Variants in SRPRA observed in about 807,000 individuals in gnomAD.
The protein encoded by SRPRA is SRP receptor subunit alpha.
A neutral mutation model predicts 61.1 loss-of-function variants in SRPRA; 30 were observed. The ratio of observed to expected loss-of-function variants is 0.49; its 90% CI spans 0.37 to 0.67. The LOEUF is 0.67. Ranked by LOEUF, SRPRA falls within the 30% of genes least tolerant of loss-of-function variation. The pLI, the probability that SRPRA is intolerant of heterozygous loss-of-function variation, is 0.00. For missense variants in SRPRA, 759 were observed against 828.4 expected (o/e 0.92, Z 1.03); for synonymous variants, 324 against 299.7 (o/e 1.08, Z -0.84).
chr11:126,261,639 T>G (rs972462729), downstream of SRPRA, among the ~76,000 whole-genome samples: 1 of 152,196 alleles, frequency 6.6e-6, no homozygotes, highest in African/African-American at 2.4e-5. Flanking sequence ...CCATTAAGGA[T>G]TCTATCTTTT....
rs746483409 is a variant in SRPRA at position 126,267,575 on chromosome 11, G to T, written c.339C>A (p.Phe113Leu). ...ALSLLNGTFD[F>L]QNDFLRLLRE... ...GAAGGAGCCGCAGGAAGTCATTTTGGAAATCAAAAGTGCCATTTAATAAAC... is the reference window on the plus strand; with the variant it reads ...GAAGGAGCCGCAGGAAGTCATTTTGTAAATCAAAAGTGCCATTTAATAAAC... The change falls in exon 3 of 14, where the codon TTC becomes TTA. Residue 113 changes from phenylalanine to leucine, a missense_variant. Physicochemically the swap from Phe to Leu is conservative, Grantham distance 22. This residue lies in a region of SRPRA where 475 missense variants were observed against 462.5 expected (regional missense o/e 1.03). Coordinates refer to ENST00000332118, the MANE Select transcript of SRPRA (RefSeq NM_003139.4). This position sits in a 1 kb window ranked among gnomAD's most constrained non-coding sequence, Gnocchi z 4.2. 138 of 1,613,908 alleles carry T rather than the reference G, an allele frequency of 8.6e-5. 4 individuals carry two copies. In the South Asian group the frequency reaches 1.2e-3, roughly 13 times the overall value.
rs1286765449 is a variant in SRPRA at position 126,265,951 on chromosome 11, C to T, written c.1051+12G>A. 1 of 1,613,852 alleles carries T rather than the reference C, an allele frequency of 6.2e-7. No homozygotes were observed. Among genetic ancestry groups the T allele is most frequent in the Non-Finnish European group, 8.5e-7 (1 of 1,179,752 alleles). On this transcript the variant is annotated intron_variant, in intron 8 of 13. Coordinates refer to ENST00000332118, the MANE Select transcript of SRPRA (RefSeq NM_003139.4). This position sits in a 1 kb window ranked among gnomAD's most constrained non-coding sequence, Gnocchi z 6.3. ...CCCGCGAGTATGAGTCAGCCCGGTC[C>T]TCAGAACTTACCAATGAGATGATCA... is the stretch of plus-strand genomic sequence containing the variant.
the SRPRA span, among the ~76,000 whole-genome samples, chr11:126,253,490 C>T: frequency 6.6e-6 from 1 of 152,274 alleles, no homozygotes; most frequent in South Asian, 2.1e-4. This position sits in a 1 kb window ranked among gnomAD's most constrained non-coding sequence, Gnocchi z 5.1. Flanking sequence ...CTTTTAGGTT[C>T]CTCAGAGGTG....
the SRPRA span, chr11:126,256,915 TTGTGA>T: frequency 5.6e-4 from 837 of 1,504,104 alleles, 4 homozygotes; most frequent in African/African-American, 0.011. The surrounding 1 kb of genome is among the most constrained non-coding windows in gnomAD (Gnocchi z 6.6). Flanking sequence ...TTTTGTGTAT[TTGTGA>T]TGTGATGGGC....
Position 126,266,530 on chromosome 11 carries a change from A to G in SRPRA, c.786T>C (p.Ser262=). Residue 262 remains serine (S), a synonymous_variant, in exon 6 of 14, where the codon AGT becomes AGC. Transcript: ENST00000332118. ...GCANKEVLDY[S]TPTTNGTPEA... is the part of the protein sequence containing the mutation. Reference sequence around the variant, plus strand: ...CAGGGGTTCCATTGGTGGTGGGAGTACTGTAATCCAACACTTCTTTGTTAG... The same window carrying G: ...CAGGGGTTCCATTGGTGGTGGGAGTGCTGTAATCCAACACTTCTTTGTTAG... 1 of 1,614,172 alleles carries G rather than the reference A, an allele frequency of 6.2e-7. No individual in the cohort carries two copies.
rs369199415 is a variant in SRPRA, at chr11:126,265,955, G to C, written c.1051+8C>G. 6.2e-7 allele frequency: 1 copy of C among 1,613,904 alleles called. No homozygotes were observed. Reference sequence around the variant, plus strand: ...CGAGTATGAGTCAGCCCGGTCCTCAGAACTTACCAATGAGATGATCACGCA... The same window carrying C: ...CGAGTATGAGTCAGCCCGGTCCTCACAACTTACCAATGAGATGATCACGCA... On this transcript the variant is annotated splice_region_variant and intron_variant, in intron 8 of 13. Coordinates refer to ENST00000332118, the MANE Select transcript of SRPRA (RefSeq NM_003139.4). This position sits in a 1 kb window ranked among gnomAD's most constrained non-coding sequence, Gnocchi z 6.3.
chr11:126,254,418 G>C, the SRPRA span: 2 of 1,614,188 alleles, frequency 1.2e-6, no homozygotes, highest in Non-Finnish European at 1.7e-6. Context: ...ACGTGCTCAG[G>C]AACACTGAAG....
the SRPRA span, among the ~76,000 whole-genome samples, chr11:126,241,653 G>A: frequency 6.6e-6 from 1 of 151,854 alleles, no homozygotes; most frequent in Non-Finnish European, 1.5e-5. Flanking sequence ...GGGTTCAAGC[G>A]ATTCTCCTGT....
In SRPRA at chr11:126,265,252, G is replaced by A; in HGVS notation, c.1311+16C>T. ...AGTACAGAAATATCAGCGATAGGCT[G>A]GGGAACTGCACTGACCTTGGCAAGA... On this transcript the variant is annotated intron_variant, in intron 10 of 13. Transcript: ENST00000332118. The surrounding 1 kb of genome is among the most constrained non-coding windows in gnomAD (Gnocchi z 6.3). 4 of 1,613,612 alleles carry A rather than the reference G, an allele frequency of 2.5e-6. No individual in the cohort carries two copies. The highest frequency in any genetic ancestry group is 3.4e-6 in the Non-Finnish European group (4 of 1,179,572).
chr11:126,244,030 AT>A, the SRPRA span, among the ~76,000 whole-genome samples: 1 of 152,082 alleles, frequency 6.6e-6, no homozygotes, highest in Non-Finnish European at 1.5e-5. This position sits in a 1 kb window ranked among gnomAD's most constrained non-coding sequence, Gnocchi z 4.5. Context: ...CTCTTTCATG[AT>A]TTTTTTTAAA....
At chr11:126,253,039 C>T in the SRPRA span, among the ~76,000 whole-genome samples, 12 of 152,134 alleles carry the variant, frequency 7.9e-5, no homozygotes, top group Non-Finnish European at 1.6e-4. This position sits in a 1 kb window ranked among gnomAD's most constrained non-coding sequence, Gnocchi z 5.1. Flanking sequence ...TGTCTAAAAA[C>T]AAACAAACAA....
rs200530292 is a variant in SRPRA, at chr11:126,264,226, T to C, written c.1753A>G (p.Ile585Val). The change falls in exon 13 of 14, where the codon ATT (isoleucine) becomes GTT (valine). Residue 585 changes from isoleucine (I) to valine (V), a missense_variant. Ile to Val is a conservative substitution (Grantham distance 29, BLOSUM62 3). Coordinates refer to ENST00000332118, the MANE Select transcript of SRPRA (RefSeq NM_003139.4). The surrounding 1 kb of genome is among the most constrained non-coding windows in gnomAD (Gnocchi z 5.0). ...MAQTPRLIDG[I>V]VLTKFDTIDD... Reference sequence around the variant, plus strand: ...ATGGTATCAAATTTGGTAAGAACAATGCCATCAATGAGCCGAGGTGTCTGA... The same window carrying C: ...ATGGTATCAAATTTGGTAAGAACAACGCCATCAATGAGCCGAGGTGTCTGA... The C allele has an allele frequency of 1.2e-5, 20 of 1,614,102 alleles. No homozygotes were observed. Among genetic ancestry groups the C allele is most frequent in the Non-Finnish European group, 1.6e-5 (19 of 1,180,020 alleles).
Position 126,265,264 on chromosome 11 carries a change from T to C in SRPRA, c.1311+4A>G. ...TCAGCGATAGGCTGGGGAACTGCAC[T>C]GACCTTGGCAAGATTAGTAGATTTC... is the stretch of plus-strand genomic sequence containing the variant. On this transcript the variant is annotated splice_donor_region_variant and intron_variant, in intron 10 of 13. Transcript: ENST00000332118. The surrounding 1 kb of genome is among the most constrained non-coding windows in gnomAD (Gnocchi z 6.3). The C allele has an allele frequency of 6.2e-7, 1 of 1,614,046 alleles. No homozygotes were observed. Among genetic ancestry groups the C allele is most frequent in the Non-Finnish European group, 8.5e-7 (1 of 1,179,912 alleles).
the SRPRA span, among the ~76,000 whole-genome samples, chr11:126,248,400 C>T: frequency 5.5e-5 from 4 of 72,792 alleles, no homozygotes; most frequent in African/African-American, 5.4e-5. Context: ...GATGGAGTTT[C>T]GCTCTTGTTG....
the SRPRA span, among the ~76,000 whole-genome samples, chr11:126,240,418 A>T: frequency 6.6e-6 from 1 of 152,246 alleles, no homozygotes; most frequent in East Asian, 1.9e-4. Context: ...GTACAAATCA[A>T]ACGTCTTCTT....
the SRPRA span, among the ~76,000 whole-genome samples, chr11:126,255,690 C>T: frequency 1.6e-4 from 25 of 152,152 alleles, no homozygotes; most frequent in Non-Finnish European, 2.8e-4. This position sits in a 1 kb window ranked among gnomAD's most constrained non-coding sequence, Gnocchi z 4.6. Context: ...TAAAAAAGTA[C>T]GCCTGTAATC....
In SRPRA at chr11:126,264,549, GAAAGT is replaced by G; in HGVS notation, c.1526-15_1526-11del. 6.2e-7 allele frequency: 1 copy of G among 1,612,028 alleles called. No homozygotes were observed. Among genetic ancestry groups the G allele is most frequent in the Non-Finnish European group, 8.5e-7 (1 of 1,179,836 alleles). On this transcript the variant is annotated splice_polypyrimidine_tract_variant and intron_variant, in intron 11 of 13. Coordinates refer to ENST00000332118, the MANE Select transcript of SRPRA (RefSeq NM_003139.4). This position sits in a 1 kb window ranked among gnomAD's most constrained non-coding sequence, Gnocchi z 5.0. ...AAGCCTTGGTTACGTGCTAGAGAAA[GAAAGT>G]AGTCAACTCTGAACACCTGGACTAC... is the stretch of plus-strand genomic sequence containing the variant.
Position 126,267,017 on chromosome 11 carries a change from G to A in SRPRA, c.527-95C>T, listed in dbSNP as rs1252656611. On this transcript the variant is annotated intron_variant, in intron 4 of 13. Coordinates refer to ENST00000332118, the MANE Select transcript of SRPRA (RefSeq NM_003139.4). The surrounding 1 kb of genome is among the most constrained non-coding windows in gnomAD (Gnocchi z 4.2). The stretch of plus-strand genomic sequence containing the variant: ...TTCCAAATTGTTCAAAGGAAATTTG[G>A]ACCAAACATCTTGGAGTTCATAAGG... 6.5e-7 allele frequency: 1 copy of A among 1,538,082 alleles called. No homozygotes were observed. The highest frequency in any genetic ancestry group is 8.7e-7 in the Non-Finnish European group (1 of 1,144,146).
chr11:126,246,778 A>G, the SRPRA span, among the ~76,000 whole-genome samples: 8 of 152,104 alleles, frequency 5.3e-5, no homozygotes, highest in Non-Finnish European at 7.4e-5. Flanking sequence ...GGGTAGAAGG[A>G]AATGAAGGTC....
Sources: gnomAD v4.1 joint callset for allele counts (sites outside exome capture counted in the v4.1 genomes callset) on GRCh38, gnomAD v4.1.1 for gene constraint, gnomAD v4.1.1 regional missense constraint, Gnocchi (gnomAD v3.1) non-coding constraint, MANE v1.5 for transcripts, NCBI Gene and HGNC (gene_info 2026-07-23, HGNC 2026-07-21) for gene names.